Variants in GPR84 observed in about 807,000 individuals in gnomAD.
GPR84 encodes the protein G protein-coupled receptor 84.
GPR84 carries 8 observed loss-of-function variants against 14.9 expected under a neutral mutation model. The ratio of observed to expected loss-of-function variants is 0.54; its 90% CI spans 0.31 to 0.97. GPR84 has a LOEUF of 0.97. Ranked by LOEUF, GPR84 falls within the 50% of genes least tolerant of loss-of-function variation. The pLI, the probability that GPR84 is intolerant of heterozygous loss-of-function variation, is 0.04. For missense variants in GPR84, 424 were observed against 498.7 expected, an observed-to-expected ratio of 0.85 and a Z score of 1.43; for synonymous variants, 164 against 198.1, an observed-to-expected ratio of 0.83 and a Z score of 1.45.
chr12:54,352,481 G>A, the GPR84 span, among the ~76,000 whole-genome samples: 1 of 152,134 alleles, frequency 6.6e-6, no homozygotes, highest in Non-Finnish European at 1.5e-5. Flanking sequence ...GAATGCTTTG[G>A]TTTTCTTTCC....
chr12:54,356,487 G>A, the GPR84 span, among the ~76,000 whole-genome samples: 1 of 152,294 alleles, frequency 6.6e-6, no homozygotes, highest in African/African-American at 2.4e-5. Flanking sequence ...TCAGTGGACA[G>A]CTCCCGCAGC....
At position 54,363,734 on chromosome 12, in the gene GPR84, G is replaced by T. The variant is rs748954048; in HGVS notation, c.118C>A (p.Leu40Ile). ...VAVTGTVGNV[L>I]TLLALAIQPK... ...TGGATGGCCAAGGCCAGTAGGGTGA[G>T]CACATTGCCCACGGTGCCTGTCACA... The change falls in exon 2 of 2, where the codon CTC (leucine) becomes ATC (isoleucine). Residue 40 changes from leucine (L) to isoleucine (I), a missense_variant. By Grantham distance (5) the Leu-to-Ile change is conservative. Transcript: ENST00000267015. 3.7e-6 allele frequency: 6 copies of T among 1,613,952 alleles called. 1 individual carries two copies. In the South Asian group the frequency reaches 6.6e-5, roughly 18 times the overall value.
At chr12:54,361,653 G>A (rs1002213561), downstream of GPR84, among the ~76,000 whole-genome samples, 3 of 152,214 alleles carry the variant, frequency 2.0e-5, no homozygotes, top group Non-Finnish European at 4.4e-5. The surrounding 1 kb of genome is among the most constrained non-coding windows in gnomAD (Gnocchi z 4.3). Context: ...TTACAGGCAT[G>A]AGCCACCGTG....
intron 1 of GPR84, 155 bp from the exon 2 acceptor site, chr12:54,364,014 C>G (rs1054090769): frequency 3.0e-5 from 16 of 532,200 alleles, no homozygotes; most frequent in Admixed American, 2.9e-4. Flanking sequence ...CTCTTCATCT[C>G]AAGATCCCTA....
At chr12:54,353,651 G>A in the GPR84 span, 1 of 152,308 alleles carries the variant, frequency 6.6e-6, no homozygotes, top group Non-Finnish European at 1.5e-5. Flanking sequence ...CTACTCCAGA[G>A]TGCTAGGCTA....
chr12:54,362,843 G>T lies in GPR84; in HGVS notation c.1009C>A (p.Leu337Met), dbSNP rs187329100. 1 of 1,614,228 alleles carries T rather than the reference G, an allele frequency of 6.2e-7. No homozygotes were observed. Among genetic ancestry groups the T allele is most frequent in the East Asian group, 2.2e-5 (1 of 44,888 alleles). Residue 337 changes from leucine (L) to methionine (M), a missense_variant, in exon 2 of 2, where the codon CTG becomes ATG. By Grantham distance (15) the Leu-to-Met change is conservative (BLOSUM62 2). Coordinates refer to ENST00000267015, the MANE Select transcript of GPR84 (RefSeq NM_020370.3). The surrounding 1 kb of genome is among the most constrained non-coding windows in gnomAD (Gnocchi z 4.0). ...ACTCTGGCATCCAGAATGTTGAGCA[G>T]CAAGAAGGGGATGTAGCTCAGGGCA... ...CFALSYIPFLLLNILDARVQA... is the reference protein window; with the variant it reads ...CFALSYIPFLMLNILDARVQA...
rs775469982 is a variant in GPR84 at position 54,363,476 on chromosome 12, T to G, written c.376A>C (p.Lys126Gln). ...GCACTGAAAACTTGGGGAAAAAGCT[T>G]AGGGTGGGCAATGAGGAGGTAGCGT... ...LGRYLLIAHPKLFPQVFSAKG... is the reference protein window; with the variant it reads ...LGRYLLIAHPQLFPQVFSAKG... Residue 126 changes from lysine to glutamine, a missense_variant, in exon 2 of 2, where the codon AAG becomes CAG. By Grantham distance (53) the Lys-to-Gln change is moderately conservative. Transcript: ENST00000267015. 18 of 1,613,964 alleles carry G rather than the reference T, an allele frequency of 1.1e-5. No homozygotes were observed. The highest frequency in any genetic ancestry group is 1.4e-5 in the Non-Finnish European group (17 of 1,179,962).
At chr12:54,352,687 C>T in the GPR84 span, among the ~76,000 whole-genome samples, 2 of 152,158 alleles carry the variant, frequency 1.3e-5, no homozygotes, top group Non-Finnish European at 2.9e-5. Context: ...GGGAGAGTCT[C>T]TCCAGCATCA....
At chr12:54,355,092 A>G in the GPR84 span, among the ~76,000 whole-genome samples, 2 of 152,080 alleles carry the variant, frequency 1.3e-5, no homozygotes, top group Admixed American at 1.3e-4. Flanking sequence ...AGATGGAAAG[A>G]AACAAAATGA....
At chr12:54,358,967 C>T (rs1431614436), downstream of GPR84, among the ~76,000 whole-genome samples, 1 of 152,134 alleles carries the variant, frequency 6.6e-6, no homozygotes, top group Non-Finnish European at 1.5e-5. Context: ...CATGTGTACC[C>T]TCAGACCCCA....
At chr12:54,357,445 G>A (rs901740691), downstream of GPR84, among the ~76,000 whole-genome samples, 1 of 152,164 alleles carries the variant, frequency 6.6e-6, no homozygotes, top group African/African-American at 2.4e-5. Flanking sequence ...TCACTGGGTT[G>A]GGGGGTCACA....
Position 54,362,850 on chromosome 12 carries a change from G to C in GPR84, c.1002C>G (p.Pro334=). The change falls in exon 2 of 2, where the codon CCC becomes CCG. Residue 334 remains proline (P), a synonymous_variant. Coordinates refer to ENST00000267015, the MANE Select transcript of GPR84 (RefSeq NM_020370.3). This position sits in a 1 kb window ranked among gnomAD's most constrained non-coding sequence, Gnocchi z 4.0. ...CATCCAGAATGTTGAGCAGCAAGAA[G>C]GGGATGTAGCTCAGGGCAAAGCAGA... ...VFLCFALSYI[P]FLLLNILDAR... is the part of the protein sequence containing the mutation. The C allele has an allele frequency of 6.2e-7, 1 of 1,614,240 alleles. No individual in the cohort carries two copies. Among genetic ancestry groups the C allele is most frequent in the Non-Finnish European group, 8.5e-7 (1 of 1,180,038 alleles).
downstream of GPR84, among the ~76,000 whole-genome samples, chr12:54,358,499 C>T (rs999414189): frequency 6.6e-6 from 1 of 152,174 alleles, no homozygotes; most frequent in Non-Finnish European, 1.5e-5. Context: ...TTTGCTATTA[C>T]CTTCCAGTTG....
chr12:54,363,797 A>G lies in GPR84; in HGVS notation c.55T>C (p.Tyr19His), dbSNP rs767301381. The change falls in exon 2 of 2, where the codon TAT becomes CAT. Residue 19 changes from tyrosine to histidine, a missense_variant. By Grantham distance (83) the Tyr-to-His change is moderately conservative. Transcript: ENST00000267015. ...CCCCAGCTAACTGCAACATAACGAT[A>G]GCCCAGCACAGACTCATGGTAGCAG... is the stretch of plus-strand genomic sequence containing the variant. ...FSCYHESVLG[Y>H]RYVAVSWGVV... 2 of 1,611,656 alleles carry G rather than the reference A, an allele frequency of 1.2e-6. No individual in the cohort carries two copies. The highest frequency in any genetic ancestry group is 1.1e-5 in the South Asian group (1 of 90,888).
downstream of GPR84, among the ~76,000 whole-genome samples, chr12:54,359,361 G>T (rs1236182756): frequency 6.8e-6 from 1 of 146,320 alleles, no homozygotes; most frequent in Admixed American, 6.9e-5. Context: ...GCCTGTAAGA[G>T]ACAGCGAAAG....
downstream of GPR84, among the ~76,000 whole-genome samples, chr12:54,358,611 A>C (rs1954233889): frequency 6.6e-6 from 1 of 151,810 alleles, no homozygotes; most frequent in African/African-American, 2.4e-5. Flanking sequence ...TGAAAAGGAA[A>C]TTTCCGTCTC....
At chr12:54,359,446 G>A (rs901141255), downstream of GPR84, among the ~76,000 whole-genome samples, 3 of 133,558 alleles carry the variant, frequency 2.2e-5, no homozygotes, top group African/African-American at 8.6e-5. Flanking sequence ...GCGGCAGCGG[G>A]GATTGGAGAG....
the GPR84 span, among the ~76,000 whole-genome samples, chr12:54,357,291 G>T: frequency 2.6e-4 from 39 of 152,344 alleles, no homozygotes; most frequent in African/African-American, 8.9e-4. Flanking sequence ...ATTGTGGCCA[G>T]CCTTGCTAAG....
chr12:54,357,889 A>G (rs1954225889), downstream of GPR84, among the ~76,000 whole-genome samples: 1 of 152,162 alleles, frequency 6.6e-6, no homozygotes, highest in South Asian at 2.1e-4. Flanking sequence ...ATGCTTGGAA[A>G]GTTCCTCCCC....
Sources: gnomAD v4.1 joint callset for allele counts (sites outside exome capture counted in the v4.1 genomes callset) on GRCh38, gnomAD v4.1.1 for gene constraint, Gnocchi (gnomAD v3.1) non-coding constraint, MANE v1.5 for transcripts, NCBI Gene and HGNC (gene_info 2026-07-23, HGNC 2026-07-21) for gene names.